S100B: variants seen among roughly 807,000 people sequenced by gnomAD.
S100B encodes the protein S100 calcium binding protein B.
In S100B, 6 loss-of-function variants were observed where a neutral mutation model predicts 7.7. The ratio of observed to expected loss-of-function variants is 0.78; its 90% CI spans 0.43 to 1.54. S100B has a LOEUF of 1.54. S100B is among the 40% of genes most tolerant of loss of function. The pLI, the probability that S100B is intolerant of heterozygous loss-of-function variation, is 0.01. For missense variants in S100B, 99 were observed against 111.8 expected (o/e 0.89, Z 0.52); for synonymous variants, 36 against 40.4 (o/e 0.89, Z 0.41).
Position 46,599,506 on chromosome 21 carries a change from AAG to A in S100B, c.139-5_139-4del, listed in dbSNP as rs771292747. The A allele has an allele frequency of 3.1e-6, 5 of 1,614,006 alleles. No individual in the cohort carries two copies. The South Asian group carries it at 5.5e-5, about 18-fold the overall frequency. ...ACAACCTCCTGCTCTTTGATTTCCTAAGAGAGATAAAAGGAGTTGCCGACCTT... is the reference window on the plus strand; with the variant it reads ...ACAACCTCCTGCTCTTTGATTTCCTAAGAGATAAAAGGAGTTGCCGACCTT... On this transcript the variant is annotated splice_polypyrimidine_tract_variant and splice_region_variant and intron_variant, in intron 2 of 2. Coordinates refer to ENST00000291700, the MANE Select transcript of S100B (RefSeq NM_006272.3).
In S100B at chr21:46,600,452, G is replaced by A. The variant is rs184143979; in HGVS notation, c.139-949C>T. Reference sequence around the variant, plus strand: ...TCCCAGCTACTCAGGAGGCTGAGGCGGAGGATCGCTTGAGCCTGGGAGGTT... The same window carrying A: ...TCCCAGCTACTCAGGAGGCTGAGGCAGAGGATCGCTTGAGCCTGGGAGGTT... On this transcript the variant is annotated intron_variant, in intron 2 of 2. Coordinates refer to ENST00000291700, the MANE Select transcript of S100B (RefSeq NM_006272.3). 8.9e-4 allele frequency: 343 copies of A among 385,636 alleles called. 2 individuals are homozygous for A. The highest frequency in any genetic ancestry group is 1.5e-3 in the Non-Finnish European group (298 of 195,490). 23.9% of individuals were successfully genotyped at this position (385,636 alleles called of 1,614,324 possible).
intron 1 of S100B, 40 bp from the exon 2 acceptor site, chr21:46,602,456 C>G: frequency 6.2e-7 from 1 of 1,600,242 alleles, no homozygotes; most frequent in Non-Finnish European, 8.5e-7. Flanking sequence ...TCATCTATAC[C>G]TCATCCTAAA....
intron 2 of S100B, among the ~76,000 whole-genome samples, chr21:46,601,799 C>T (rs2061042036): frequency 6.6e-6 from 1 of 152,248 alleles, no homozygotes; most frequent in African/African-American, 2.4e-5. Flanking sequence ...TGCCCCAGAG[C>T]AGAAGCCATG....
chr21:46,604,668 G>A (rs1335907927), intron 1 of S100B, among the ~76,000 whole-genome samples: 4 of 152,202 alleles, frequency 2.6e-5, no homozygotes, highest in Admixed American at 6.5e-5. Context: ...TTTAGCCCCA[G>A]TGGGAAGCAA....
chr21:46,600,037 T>G (rs1054180909), intron 2 of S100B, among the ~76,000 whole-genome samples: 1 of 152,248 alleles, frequency 6.6e-6, no homozygotes, highest in Non-Finnish European at 1.5e-5. Flanking sequence ...CTGACAGTTC[T>G]GCCTGACATT....
In S100B at chr21:46,598,686, C is replaced by CTGGAGGCACGT. The variant is rs1375820634; in HGVS notation, c.*666_*676dup. ...GTAGTGCCCTCGGAAGCCGCATGTG[C>CTGGAGGCACGT]TGGAGGCACGTTGGAGGCAAGGATC... On this transcript the variant is annotated 3_prime_UTR_variant, in exon 3 of 3. Transcript: ENST00000291700. Among the ~76,000 whole-genome samples the CTGGAGGCACGT allele has an allele frequency of 2.0e-5, 3 of 152,250 alleles. No individual in the cohort carries two copies. Among genetic ancestry groups the CTGGAGGCACGT allele is most frequent in the Non-Finnish European group, 4.4e-5 (3 of 68,040 alleles).
In S100B at chr21:46,599,382, T is replaced by G. The variant is rs755742996; in HGVS notation, c.260A>C (p.Glu87Ala). The G allele has an allele frequency of 2.5e-6, 4 of 1,613,928 alleles. No homozygotes were observed. The South Asian group carries it at 4.4e-5, about 18-fold the overall frequency. Residue 87 changes from glutamate (E) to alanine (A), a missense_variant, in exon 3 of 3, where the codon GAG becomes GCG. Transcript: ENST00000291700. ...CTAATCTCACTCATGTTCAAAGAAC[T>G]CGTGGCAGGCAGTAGTAACCATGGC... ...FVAMVTTACHEFFEHE is the reference protein window; with the variant it reads ...FVAMVTTACHAFFEHE
chr21:46,599,353 C>A lies in S100B; in HGVS notation c.*10G>T, dbSNP rs1569136728. The stretch of plus-strand genomic sequence containing the variant: ...CTCTGTTACAGGAAAGGTTTGGCTG[C>A]TTTCTAATCTCACTCATGTTCAAAG... On this transcript the variant is annotated 3_prime_UTR_variant, in exon 3 of 3. Coordinates refer to ENST00000291700, the MANE Select transcript of S100B (RefSeq NM_006272.3). 1.9e-6 allele frequency: 3 copies of A among 1,612,866 alleles called. No individual in the cohort carries two copies. The East Asian group carries it at 6.7e-5, about 36-fold the overall frequency.
chr21:46,599,533 T>G, intron 2 of S100B, 30 bp from the exon 3 acceptor site: 1 of 1,609,494 alleles, frequency 6.2e-7, no homozygotes. Context: ...TTGCCGACCT[T>G]GTTTTTAAAT....
In S100B at chr21:46,600,296, C is replaced by A. The variant is rs1379427011; in HGVS notation, c.139-793G>T. 1.7e-5 allele frequency: 7 copies of A among 411,470 alleles called. No individual in the cohort carries two copies. In the Admixed American group the frequency reaches 1.8e-4, roughly 11 times the overall value. 25.5% of individuals were successfully genotyped at this position (411,470 alleles called of 1,614,324 possible). On this transcript the variant is annotated intron_variant, in intron 2 of 2. Coordinates refer to ENST00000291700, the MANE Select transcript of S100B (RefSeq NM_006272.3). ...GTGGCTCACACCTGTAATCCCAGCA[C>A]TTTGGGAAGCTAAGGCAGGAGGATA...
At chr21:46,600,905 G>C (rs751217556) in intron 2 of S100B, among the ~76,000 whole-genome samples, 2 of 152,218 alleles carry the variant, frequency 1.3e-5, no homozygotes, top group Non-Finnish European at 2.9e-5. Context: ...GGGACTCTCA[G>C]ATCAAGTCAG....
intron 2 of S100B, 68 bp downstream of exon 2, chr21:46,602,210 A>G: frequency 7.1e-7 from 1 of 1,402,716 alleles, no homozygotes; most frequent in East Asian, 2.3e-5. Context: ...CTGAGAAGAT[A>G]AAGCCAGTGT....
At chr21:46,603,398 T>TGGGGGGTGGGGGGGGC in intron 1 of S100B, among the ~76,000 whole-genome samples, 6 of 52,128 alleles carry the variant, frequency 1.2e-4, no homozygotes, top group African/African-American at 2.8e-4. Context: ...CGGGAGGGGG[T>TGGGGGGTGGGGGGGGC]GGGGGCAGGA....
At chr21:46,603,136 C>G (rs992351755) in intron 1 of S100B, among the ~76,000 whole-genome samples, 9 of 151,104 alleles carry the variant, frequency 6.0e-5, no homozygotes, top group African/African-American at 2.2e-4. Flanking sequence ...GGATGGGTGA[C>G]ATGACAAAAA....
In S100B at chr21:46,599,130, C is replaced by A; in HGVS notation, c.*233G>T. Reference sequence around the variant, plus strand: ...CTCCTAAGTTACTGTTAACAAGAGTCCCTGGGGCCAGTCAGCTTACACACA... The same window carrying A: ...CTCCTAAGTTACTGTTAACAAGAGTACCTGGGGCCAGTCAGCTTACACACA... On this transcript the variant is annotated 3_prime_UTR_variant, in exon 3 of 3. Transcript: ENST00000291700. The A allele has an allele frequency of 1.8e-6, 1 of 543,144 alleles. No homozygotes were observed. Among genetic ancestry groups the A allele is most frequent in the Non-Finnish European group, 3.2e-6 (1 of 309,540 alleles). The allele number at this position is 543,144 out of a possible 1,614,324, so 33.6% of individuals were successfully genotyped here.
chr21:46,601,792 C>G (rs533697843), intron 2 of S100B, among the ~76,000 whole-genome samples: 40 of 152,330 alleles, frequency 2.6e-4, no homozygotes, highest in Non-Finnish European at 4.6e-4. Context: ...GGCTGGGTGC[C>G]CCAGAGCAGA....
intron 2 of S100B, among the ~76,000 whole-genome samples, chr21:46,601,622 A>C (rs1480527082): frequency 2.0e-5 from 3 of 152,212 alleles, no homozygotes; most frequent in African/African-American, 7.2e-5. Context: ...AGGAGCCCCC[A>C]CACAGCTTCC....
intron 2 of S100B, among the ~76,000 whole-genome samples, chr21:46,601,233 A>G (rs1266747505): frequency 6.6e-6 from 1 of 152,130 alleles, no homozygotes; most frequent in African/African-American, 2.4e-5. Context: ...CATGCAGCAG[A>G]GCCCTGCCCT....
rs1386130740 is a variant in S100B, at chr21:46,599,444, G to A, written c.198C>T (p.Asp66=). The change falls in exon 3 of 3, where the codon GAC becomes GAT. Residue 66 remains aspartate (D), a synonymous_variant. Transcript: ENST00000291700. Reference sequence around the variant, plus strand: ...TGAATTCCTGGAAGTCACATTCGCCGTCTCCATCATTGTCCAGTGTTTCCA... The same window carrying A: ...TGAATTCCTGGAAGTCACATTCGCCATCTCCATCATTGTCCAGTGTTTCCA... ...KVMETLDNDG[D]GECDFQEFMA... 4.3e-6 allele frequency: 7 copies of A among 1,613,370 alleles called. No individual in the cohort carries two copies. The highest frequency in any genetic ancestry group is 1.7e-5 in the Admixed American group (1 of 60,006).
Sources: gnomAD v4.1 joint callset for allele counts (sites outside exome capture counted in the v4.1 genomes callset) on GRCh38, gnomAD v4.1.1 for gene constraint, MANE v1.5 for transcripts, NCBI Gene and HGNC (gene_info 2026-07-23, HGNC 2026-07-21) for gene names.